SLC1A1: variants seen among roughly 807,000 people sequenced by gnomAD.
SLC1A1 encodes solute carrier family 1 member 1.
Under a neutral mutation model 53.3 loss-of-function variants are expected in SLC1A1, and 43 were observed. The ratio of observed to expected loss-of-function variants is 0.81; its 90% CI spans 0.63 to 1.04. The LOEUF (loss-of-function observed/expected upper bound fraction) is 1.04. SLC1A1 is among the 50% of genes least tolerant of loss of function. The pLI is 0.00. For synonymous variants in SLC1A1, 307 were observed against 243.2 expected (o/e 1.26, Z -2.44); for missense variants, 748 against 664.9 (o/e 1.12, Z -1.37).
At chr9:4,538,781 G>C (rs772055919) in intron 1 of SLC1A1, among the ~76,000 whole-genome samples, 6 of 152,228 alleles carry the variant, frequency 3.9e-5, no homozygotes, top group Non-Finnish European at 7.3e-5. Context: ...TAGGGAGGCA[G>C]GAAGAGATGA....
chr9:4,538,769 T>C (rs1268247189), intron 1 of SLC1A1, among the ~76,000 whole-genome samples: 4 of 152,236 alleles, frequency 2.6e-5, no homozygotes, highest in Non-Finnish European at 4.4e-5. Flanking sequence ...TACTCAGCTC[T>C]TTAGGGAGGC....
chr9:4,533,005 G>A (rs1816533498), intron 1 of SLC1A1, among the ~76,000 whole-genome samples: 1 of 152,120 alleles, frequency 6.6e-6, no homozygotes, highest in Non-Finnish European at 1.5e-5. Context: ...TTACAGACAA[G>A]CAAATGCTGA....
At chr9:4,576,203 C>G (rs1820528371) in intron 9 of SLC1A1, 80 bp downstream of exon 9, 6 of 1,427,020 alleles carry the variant, frequency 4.2e-6, no homozygotes, top group Non-Finnish European at 5.9e-6. Flanking sequence ...AAACAGACTC[C>G]AGCTTGCGGT....
At chr9:4,496,112 G>C (rs941870327) in intron 1 of SLC1A1, among the ~76,000 whole-genome samples, 3 of 152,134 alleles carry the variant, frequency 2.0e-5, no homozygotes, top group East Asian at 3.9e-4. Context: ...GAGAAGAGAA[G>C]ACCAAAGACA....
chr9:4,571,172 G>A (rs1286613326), intron 6 of SLC1A1, among the ~76,000 whole-genome samples: 2 of 152,124 alleles, frequency 1.3e-5, no homozygotes, highest in African/African-American at 4.8e-5. Flanking sequence ...ATAAGTGGGA[G>A]CTAAATGATG....
intron 1 of SLC1A1, among the ~76,000 whole-genome samples, chr9:4,541,980 C>T (rs1409660506): frequency 5.3e-5 from 8 of 152,082 alleles, no homozygotes; most frequent in East Asian, 1.9e-4. Flanking sequence ...TTCCTCATCC[C>T]GAATCTGCTG....
intron 6 of SLC1A1, among the ~76,000 whole-genome samples, chr9:4,571,382 T>A (rs547838795): frequency 3.8e-4 from 58 of 152,146 alleles, no homozygotes; most frequent in Non-Finnish European, 5.0e-4. Flanking sequence ...AAAGTTTTTT[T>A]AAAAAAATCC....
intron 1 of SLC1A1, among the ~76,000 whole-genome samples, chr9:4,494,784 G>T (rs1820356834): frequency 6.6e-6 from 1 of 152,024 alleles, no homozygotes; most frequent in Admixed American, 6.6e-5. Context: ...ATCCAATAAT[G>T]ATTATATAGT....
At chr9:4,530,487 C>T (rs1444524260) in intron 1 of SLC1A1, among the ~76,000 whole-genome samples, 1 of 152,182 alleles carries the variant, frequency 6.6e-6, no homozygotes, top group Non-Finnish European at 1.5e-5. Context: ...TCAGAGAAAA[C>T]TAGTTTTTCC....
chr9:4,565,965 T>C (rs1819446896), intron 4 of SLC1A1, 82 bp from the exon 5 acceptor site: 7 of 1,032,310 alleles, frequency 6.8e-6, no homozygotes, highest in African/African-American at 4.7e-5. Flanking sequence ...TTTTATGTTA[T>C]ACTAATTTCT....
chr9:4,547,316 A>G (rs1185574122), intron 2 of SLC1A1, among the ~76,000 whole-genome samples: 2 of 152,232 alleles, frequency 1.3e-5, no homozygotes, highest in East Asian at 1.9e-4. Context: ...AAGCTATAGC[A>G]TGGATCAAGT....
At chr9:4,555,926 A>G (rs1182487050) in intron 2 of SLC1A1, among the ~76,000 whole-genome samples, 2 of 152,178 alleles carry the variant, frequency 1.3e-5, no homozygotes, top group Non-Finnish European at 2.9e-5. Context: ...ACCTTCGTAA[A>G]CTATAGTTAG....
chr9:4,520,257 C>A lies in SLC1A1; in HGVS notation c.92-24310C>A, dbSNP rs149480625. Among the ~76,000 whole-genome samples the A allele has an allele frequency of 4.0e-3, 612 of 152,262 alleles. 2 individuals are homozygous for A. The highest frequency in any genetic ancestry group is 5.1e-3 in the Non-Finnish European group (346 of 68,032). ...AAGTGGAAGTTTGAGCAAAATGTCACATCTTTGGCAATATTTGTGCTATTA... is the reference window on the plus strand; with the variant it reads ...AAGTGGAAGTTTGAGCAAAATGTCAAATCTTTGGCAATATTTGTGCTATTA... On this transcript the variant is annotated intron_variant, in intron 1 of 11. Coordinates refer to ENST00000262352, the MANE Select transcript of SLC1A1 (RefSeq NM_004170.6).
chr9:4,500,271 T>C (rs1820586113), intron 1 of SLC1A1, among the ~76,000 whole-genome samples: 1 of 152,122 alleles, frequency 6.6e-6, no homozygotes, highest in African/African-American at 2.4e-5. Context: ...CATAGCAGTG[T>C]CTATTAAAGT....
chr9:4,535,621 C>T (rs376951635), intron 1 of SLC1A1, among the ~76,000 whole-genome samples: 15 of 152,124 alleles, frequency 9.9e-5, no homozygotes, highest in South Asian at 2.1e-4. Flanking sequence ...ATTGTGAAAA[C>T]GGCCATACTG....
chr9:4,555,299 C>A (rs1818271481), intron 2 of SLC1A1, among the ~76,000 whole-genome samples: 1 of 152,150 alleles, frequency 6.6e-6, no homozygotes, highest in South Asian at 2.1e-4. Flanking sequence ...CCTAAAAGAA[C>A]TTCCAATAAG....
At chr9:4,501,739 G>C (rs141506903) in intron 1 of SLC1A1, among the ~76,000 whole-genome samples, 1 of 151,422 alleles carries the variant, frequency 6.6e-6, no homozygotes, top group South Asian at 2.1e-4. Context: ...ACTCCAGCCT[G>C]GGCAATGAGA....
At position 4,509,505 on chromosome 9, in the gene SLC1A1, A is replaced by G. The variant is rs1404204284; in HGVS notation, c.91+18735A>G. Among the ~76,000 whole-genome samples the G allele has an allele frequency of 5.3e-5, 8 of 152,080 alleles. No homozygotes were observed. The South Asian group carries it at 1.7e-3, about 32-fold the overall frequency. ...GAGGGCTGAGTTGTGGCAGGGAACC[A>G]AAAGGCAGGGCCTATGTGGCTGCAG... On this transcript the variant is annotated intron_variant, in intron 1 of 11. Transcript: ENST00000262352.
intron 1 of SLC1A1, among the ~76,000 whole-genome samples, chr9:4,502,400 A>AAAAG (rs1291332995): frequency 6.7e-6 from 1 of 149,996 alleles, no homozygotes; most frequent in African/African-American, 2.5e-5. Flanking sequence ...AAAAAAAAAA[A>AAAAG]AAAAAAAAAA....
Sources: allele counts gnomAD v4.1 joint callset (sites outside exome capture counted in the v4.1 genomes callset), GRCh38; gene constraint gnomAD v4.1.1; transcripts MANE v1.5; gene names NCBI Gene and HGNC (gene_info 2026-07-23, HGNC 2026-07-21).